Variants in BAZ2B observed in about 807,000 individuals in gnomAD.
BAZ2B encodes the protein bromodomain adjacent to zinc finger domain protein 2B.
A neutral mutation model predicts 246.0 loss-of-function variants in BAZ2B; 91 were observed. The observed-to-expected ratio is 0.37, with a 90% CI of 0.31 to 0.44. The LOEUF is 0.44. BAZ2B is among the 20% of genes least tolerant of loss of function. The pLI, the probability that BAZ2B is intolerant of heterozygous loss-of-function variation, is 1.00. For missense variants in BAZ2B, 2,332 were observed against 2,533.7 expected (o/e 0.92, Z 1.71); for synonymous variants, 855 against 860.0 (o/e 0.99, Z 0.10).
At chr2:159,587,696 AT>A (rs1428293314) in intron 1 of BAZ2B, among the ~76,000 whole-genome samples, 2 of 152,140 alleles carry the variant, frequency 1.3e-5, no homozygotes, top group Non-Finnish European at 2.9e-5. Flanking sequence ...TTTACATTAA[AT>A]CTAATTCTCC....
At chr2:159,397,220 A>G in intron 19 of BAZ2B, 125 bp downstream of exon 19, 1 of 1,258,986 alleles carries the variant, frequency 7.9e-7, no homozygotes, top group Non-Finnish European at 1.1e-6. Flanking sequence ...AGGTTGAAGG[A>G]AAAACTTAAG....
chr2:159,413,428 C>T (rs1236553878), intron 13 of BAZ2B, among the ~76,000 whole-genome samples: 1 of 152,220 alleles, frequency 6.6e-6, no homozygotes, highest in South Asian at 2.1e-4. Flanking sequence ...GCGGACTGGC[C>T]GGGCACAGTG....
chr2:159,325,112 ATATTTT>A (rs2063457646), intron 35 of BAZ2B, among the ~76,000 whole-genome samples, 158 bp from the exon 36 acceptor site: 1 of 5,724 alleles, frequency 1.7e-4, no homozygotes, highest in African/African-American at 8.4e-4. Flanking sequence ...ATATATATAT[ATATTTT>A]ATATATATAT....
At chr2:159,416,046 T>C (rs2067654074) in intron 13 of BAZ2B, among the ~76,000 whole-genome samples, 1 of 152,158 alleles carries the variant, frequency 6.6e-6, no homozygotes, top group Non-Finnish European at 1.5e-5. Flanking sequence ...CTGACCACTA[T>C]GGGTACTTGA....
At chr2:159,375,349 G>C (rs923193948) in intron 25 of BAZ2B, among the ~76,000 whole-genome samples, 2 of 152,170 alleles carry the variant, frequency 1.3e-5, no homozygotes, top group African/African-American at 4.8e-5. Context: ...TATACCAAGG[G>C]AGGCTTTATG....
intron 2 of BAZ2B, among the ~76,000 whole-genome samples, chr2:159,506,851 A>G (rs2151150782): frequency 6.6e-6 from 1 of 152,270 alleles, no homozygotes; most frequent in Admixed American, 6.5e-5. Flanking sequence ...TGAAAGGAGG[A>G]TAAGAAAAAG....
At chr2:159,464,421 A>G (rs1360905814) in intron 3 of BAZ2B, 1 of 152,174 alleles carries the variant, frequency 6.6e-6, no homozygotes, top group Non-Finnish European at 1.5e-5. Context: ...AGAAGAGGTG[A>G]TGCATTATTA....
chr2:159,679,529 T>A, the BAZ2B span, among the ~76,000 whole-genome samples: 1 of 152,200 alleles, frequency 6.6e-6, no homozygotes, highest in Non-Finnish European at 1.5e-5. Flanking sequence ...GGTTCTCTTC[T>A]GTTGAATAAT....
At chr2:159,434,440 T>A (rs1032552972) in intron 8 of BAZ2B, 1 of 152,548 alleles carries the variant, frequency 6.6e-6, no homozygotes, top group South Asian at 2.1e-4. Context: ...ATTACAGGCG[T>A]GAGCCACTGC....
At chr2:159,460,936 G>C (rs1288157692) in intron 3 of BAZ2B, 1 of 152,306 alleles carries the variant, frequency 6.6e-6, no homozygotes. Context: ...TATAATTTTA[G>C]AACAAAACAG....
chr2:159,534,341 G>T (rs936490724), intron 2 of BAZ2B, among the ~76,000 whole-genome samples: 1 of 152,130 alleles, frequency 6.6e-6, no homozygotes, highest in Non-Finnish European at 1.5e-5. Context: ...AGGTTATATT[G>T]TATAGCCTGT....
chr2:159,579,963 T>C (rs1191197512), intron 1 of BAZ2B, among the ~76,000 whole-genome samples: 1 of 152,178 alleles, frequency 6.6e-6, no homozygotes, highest in Non-Finnish European at 1.5e-5. Context: ...GCCAATATCA[T>C]ACTGAATGGG....
At chr2:159,427,369 T>C (rs546281225) in intron 13 of BAZ2B, among the ~76,000 whole-genome samples, 2 of 152,264 alleles carry the variant, frequency 1.3e-5, no homozygotes, top group South Asian at 2.1e-4. Flanking sequence ...AAGGGAGCTG[T>C]GGTGATATGT....
chr2:159,495,223 C>T (rs183268369), intron 2 of BAZ2B, among the ~76,000 whole-genome samples: 25 of 152,024 alleles, frequency 1.6e-4, no homozygotes, highest in Non-Finnish European at 3.4e-4. Flanking sequence ...CGGTGGCTCA[C>T]GCCTGTAATC....
chr2:159,467,697 T>TAGA (rs2077253255), intron 3 of BAZ2B, among the ~76,000 whole-genome samples: 2 of 151,620 alleles, frequency 1.3e-5, no homozygotes. Flanking sequence ...CTGGTAATGG[T>TAGA]GGAGTGAGGT....
At chr2:159,600,092 G>A (rs951147953) in intron 1 of BAZ2B, among the ~76,000 whole-genome samples, 1 of 152,078 alleles carries the variant, frequency 6.6e-6, no homozygotes. Context: ...TCCTAGCTCA[G>A]ATTCCTTAGA....
intron 20 of BAZ2B, chr2:159,395,559 A>G: frequency 2.6e-6 from 1 of 391,130 alleles, no homozygotes; most frequent in Non-Finnish European, 4.6e-6. Context: ...TTAAAATCTT[A>G]GCCAGGAAAA....
At chr2:159,432,312 T>A (rs537699966) in intron 9 of BAZ2B, among the ~76,000 whole-genome samples, 4 of 152,274 alleles carry the variant, frequency 2.6e-5, no homozygotes, top group Non-Finnish European at 4.4e-5. Flanking sequence ...GTCCTCTATA[T>A]GTTATTTAAC....
At chr2:159,646,426 C>A in the BAZ2B span, among the ~76,000 whole-genome samples, 1 of 152,034 alleles carries the variant, frequency 6.6e-6, no homozygotes, top group Non-Finnish European at 1.5e-5. Flanking sequence ...ATGCAATCAT[C>A]ACAGGGTCCT....
Sources: allele counts gnomAD v4.1 joint callset (sites outside exome capture counted in the v4.1 genomes callset), GRCh38; gene constraint gnomAD v4.1.1; transcripts MANE v1.5; gene names NCBI Gene and HGNC (gene_info 2026-07-23, HGNC 2026-07-21).